Variants in CELF2 observed in about 807,000 individuals in gnomAD.
CELF2 encodes CUGBP Elav-like family member 2, also known as CUG triplet repeat RNA-binding protein 2.
Under a neutral mutation model 62.6 loss-of-function variants are expected in CELF2, and 8 were observed. That is an observed-to-expected ratio of 0.13 (90% CI 0.07 to 0.23). The LOEUF (loss-of-function observed/expected upper bound fraction) is 0.23. Among genes scored for constraint, CELF2 ranks in the 10% least tolerant of loss-of-function variants. The pLI is 1.00. For missense variants in CELF2, 333 were observed against 671.0 expected (o/e 0.50, Z 5.56); for synonymous variants, 258 against 250.0 (o/e 1.03, Z -0.30).
At chr10:10,511,511 G>A in the CELF2 span, among the ~76,000 whole-genome samples, 2 of 152,044 alleles carry the variant, frequency 1.3e-5, no homozygotes, top group African/African-American at 2.4e-5. Context: ...CTGCTGTTTG[G>A]TGAATAAAGT....
the CELF2 span, among the ~76,000 whole-genome samples, chr10:10,731,551 A>T: frequency 6.6e-6 from 1 of 152,212 alleles, no homozygotes; most frequent in Non-Finnish European, 1.5e-5. Flanking sequence ...CTGTTATGGA[A>T]ATATGGAAAC....
At chr10:10,698,009 G>C in the CELF2 span, among the ~76,000 whole-genome samples, 1 of 152,144 alleles carries the variant, frequency 6.6e-6, no homozygotes, top group Non-Finnish European at 1.5e-5. Context: ...GGCCAGGCTG[G>C]TCTGGAACTC....
the CELF2 span, among the ~76,000 whole-genome samples, chr10:10,526,451 A>T: frequency 6.6e-6 from 1 of 152,174 alleles, no homozygotes; most frequent in Non-Finnish European, 1.5e-5. Context: ...GACACCTTTA[A>T]TTGTTGTCAT....
At chr10:10,646,320 G>A in the CELF2 span, among the ~76,000 whole-genome samples, 1 of 152,234 alleles carries the variant, frequency 6.6e-6, no homozygotes, top group Non-Finnish European at 1.5e-5. Flanking sequence ...GACAGAGTAT[G>A]TGCCTGGGAC....
the CELF2 span, among the ~76,000 whole-genome samples, chr10:10,660,362 C>A: frequency 1.3e-5 from 2 of 152,144 alleles, no homozygotes; most frequent in Non-Finnish European, 2.9e-5. Flanking sequence ...TGTGTTGGAG[C>A]AAAGGTCTTA....
intron 2 of CELF2, among the ~76,000 whole-genome samples, chr10:11,201,956 G>A (rs1422395342): frequency 7.0e-6 from 1 of 142,578 alleles, no homozygotes; most frequent in Non-Finnish European, 1.5e-5. Context: ...TGGACTCGGT[G>A]GTGAAACGTA....
chr10:10,646,510 T>C, the CELF2 span, among the ~76,000 whole-genome samples: 41 of 152,208 alleles, frequency 2.7e-4, no homozygotes, highest in Non-Finnish European at 1.5e-5. Flanking sequence ...TCTCATTCTG[T>C]TCCATTGCTA....
At chr10:11,168,569 T>C (rs2067914935) in intron 2 of CELF2, among the ~76,000 whole-genome samples, 1 of 152,222 alleles carries the variant, frequency 6.6e-6, no homozygotes, top group South Asian at 2.1e-4. Flanking sequence ...TATCATGTTT[T>C]CACAGGGCTG....
chr10:11,218,443 C>T (rs989592004), intron 3 of CELF2, among the ~76,000 whole-genome samples: 6 of 152,216 alleles, frequency 3.9e-5, no homozygotes, highest in Non-Finnish European at 8.8e-5. Flanking sequence ...TACACATTCA[C>T]ACATGCACAC....
At position 11,204,911 on chromosome 10, in the gene CELF2, G is replaced by A. The variant is rs190131635; in HGVS notation, c.272-12514G>A. Among the ~76,000 whole-genome samples the A allele has an allele frequency of 1.4e-3, 209 of 152,268 alleles. 1 individual carries two copies. The highest frequency in any genetic ancestry group is 4.8e-3 in the African/African-American group (201 of 41,546). ...GAAAGTGACCAATCTGGTTAAACTC[G>A]TATAGTAGTGAAACCTGGGTGTGCT... On this transcript the variant is annotated intron_variant, in intron 2 of 12. Transcript: ENST00000633077.
chr10:10,586,482 C>A, the CELF2 span, among the ~76,000 whole-genome samples: 1 of 152,138 alleles, frequency 6.6e-6, no homozygotes, highest in African/African-American at 2.4e-5. Context: ...TTACATCCTA[C>A]AATTAATGTC....
the CELF2 span, among the ~76,000 whole-genome samples, chr10:10,519,667 C>T: frequency 6.6e-6 from 1 of 152,174 alleles, no homozygotes; most frequent in Non-Finnish European, 1.5e-5. Context: ...TGAAAACCAC[C>T]TCCCAGATGC....
intron 2 of CELF2, chr10:10,944,198 G>A (rs1277467406): frequency 6.6e-6 from 1 of 152,602 alleles, no homozygotes; most frequent in East Asian, 1.9e-4. Context: ...GCTAGATCCA[G>A]TAGACACTTC....
the CELF2 span, among the ~76,000 whole-genome samples, chr10:10,654,025 A>G: frequency 1.3e-5 from 2 of 151,228 alleles, no homozygotes; most frequent in Non-Finnish European, 3.0e-5. Context: ...ATAAAAAATG[A>G]TAAAGGGGAT....
rs1003560265 is a variant in CELF2 at position 11,237,854 on chromosome 10, A to G, written c.355-11299A>G. ...AACCACAACTCGTTTCTCTTAAAAT[A>G]TGAGAGAATACTGTTTGTCGGTATA... On this transcript the variant is annotated intron_variant, in intron 3 of 12. Transcript: ENST00000633077. The surrounding 1 kb of genome is among the most constrained non-coding windows in gnomAD (Gnocchi z 4.0). Among the ~76,000 whole-genome samples, 19 of 152,248 alleles carry G rather than the reference A, an allele frequency of 1.2e-4. No individual in the cohort carries two copies. The highest frequency in any genetic ancestry group is 4.6e-4 in the African/African-American group (19 of 41,460).
intron 1 of CELF2, among the ~76,000 whole-genome samples, chr10:10,806,658 G>A (rs1377665575): frequency 6.6e-6 from 1 of 152,186 alleles, no homozygotes; most frequent in Non-Finnish European, 1.5e-5. Context: ...CCAAATAGCA[G>A]CTATAAGACA....
chr10:10,992,557 T>C (rs1051186833), intron 2 of CELF2, among the ~76,000 whole-genome samples: 6 of 152,110 alleles, frequency 3.9e-5, no homozygotes, highest in Middle Eastern at 3.2e-3. Flanking sequence ...AACACAAAAT[T>C]TGTGCCAATG....
intron 9 of CELF2, among the ~76,000 whole-genome samples, chr10:11,294,461 C>T (rs1437970141): frequency 6.6e-6 from 1 of 152,186 alleles, no homozygotes; most frequent in East Asian, 1.9e-4. Flanking sequence ...CCTTTACCGT[C>T]CTCTTTTTCT....
chr10:10,631,853 G>A, the CELF2 span, among the ~76,000 whole-genome samples: 1 of 152,206 alleles, frequency 6.6e-6, no homozygotes, highest in African/African-American at 2.4e-5. Context: ...CCAAACCTCT[G>A]GTGCAGGGAG....
Sources: gnomAD v4.1 joint callset for allele counts (sites outside exome capture counted in the v4.1 genomes callset) on GRCh38, gnomAD v4.1.1 for gene constraint, Gnocchi (gnomAD v3.1) non-coding constraint, MANE v1.5 for transcripts, NCBI Gene and HGNC (gene_info 2026-07-23, HGNC 2026-07-21) for gene names.